The following ILRUN variants were observed in gnomAD, a reference collection of about 807,000 sequenced individuals.
ILRUN encodes the protein protein ILRUN.
Under a neutral mutation model 33.8 loss-of-function variants are expected in ILRUN, and 3 were observed. That is an observed-to-expected ratio of 0.09 (90% CI 0.04 to 0.23). ILRUN has a LOEUF of 0.23. Among genes scored for constraint, ILRUN ranks in the 10% least tolerant of loss-of-function variants. The probability of loss-of-function intolerance (pLI) is 1.00; values close to 1 mark genes in which losing one functional copy is unlikely to be tolerated. For synonymous variants in ILRUN, 124 were observed against 138.9 expected, an observed-to-expected ratio of 0.89 and a Z score of 0.75; for missense variants, 210 against 375.1, an observed-to-expected ratio of 0.56 and a Z score of 3.64.
chr6:34,647,530 A>G (rs1283075531), intron 2 of ILRUN, among the ~76,000 whole-genome samples: 1 of 152,050 alleles, frequency 6.6e-6, no homozygotes, highest in Non-Finnish European at 1.5e-5. Context: ...GGTCAATCAG[A>G]CCTGTCAAAG....
chr6:34,681,806 G>A (rs1763362239), intron 1 of ILRUN, among the ~76,000 whole-genome samples: 1 of 149,776 alleles, frequency 6.7e-6, no homozygotes, highest in African/African-American at 2.5e-5. Context: ...AATCAGAAGG[G>A]ATTTTACTAT....
intron 1 of ILRUN, among the ~76,000 whole-genome samples, chr6:34,687,805 A>G (rs1763556571): frequency 6.6e-6 from 1 of 151,548 alleles, no homozygotes; most frequent in South Asian, 2.1e-4. Context: ...GATGTGGAGA[A>G]ATTGCGACCA....
At chr6:34,669,958 C>A (rs1381530174) in intron 1 of ILRUN, among the ~76,000 whole-genome samples, 2 of 151,522 alleles carry the variant, frequency 1.3e-5, no homozygotes, top group African/African-American at 2.4e-5. Context: ...GTTGCCCAGG[C>A]TGGAATGTAA....
At chr6:34,619,106 G>A (rs1761958363) in intron 3 of ILRUN, among the ~76,000 whole-genome samples, 2 of 152,026 alleles carry the variant, frequency 1.3e-5, no homozygotes, top group Non-Finnish European at 2.9e-5. Context: ...CAGCTACATA[G>A]AATTTGTGAG....
intron 3 of ILRUN, among the ~76,000 whole-genome samples, chr6:34,619,401 G>A (rs1003806252): frequency 3.3e-5 from 5 of 151,932 alleles, no homozygotes; most frequent in African/African-American, 1.2e-4. Context: ...ACTCAGGCTG[G>A]ATGAAGTGCA....
intron 1 of ILRUN, among the ~76,000 whole-genome samples, chr6:34,659,505 C>A (rs1485224456): frequency 2.0e-5 from 3 of 151,294 alleles, no homozygotes; most frequent in African/African-American, 2.4e-5. Context: ...ATTATGAATT[C>A]TATAAATGAA....
chr6:34,602,049 A>G (rs1034915595), intron 4 of ILRUN, among the ~76,000 whole-genome samples: 2 of 152,216 alleles, frequency 1.3e-5, no homozygotes, highest in Non-Finnish European at 2.9e-5. Context: ...GATGGAAGTA[A>G]TAACAGTGGC....
At chr6:34,639,853 T>C (rs1762434475) in intron 3 of ILRUN, among the ~76,000 whole-genome samples, 2 of 152,224 alleles carry the variant, frequency 1.3e-5, no homozygotes, top group Non-Finnish European at 2.9e-5. Context: ...TAAGCCTCTC[T>C]GGTCTTTAGT....
chr6:34,635,259 G>A (rs766534635), intron 3 of ILRUN, among the ~76,000 whole-genome samples: 1 of 152,132 alleles, frequency 6.6e-6, no homozygotes, highest in Non-Finnish European at 1.5e-5. Context: ...GCTGGGCACA[G>A]TGGCTCACGT....
intron 4 of ILRUN, among the ~76,000 whole-genome samples, chr6:34,599,745 G>C (rs1761470253): frequency 6.6e-6 from 1 of 152,020 alleles, no homozygotes; most frequent in African/African-American, 2.4e-5. Context: ...ACTTGGATAT[G>C]CAACAGCCCA....
intron 3 of ILRUN, 110 bp from the exon 4 acceptor site, chr6:34,607,014 C>G: frequency 1.3e-6 from 1 of 798,896 alleles, no homozygotes; most frequent in Non-Finnish European, 2.0e-6. Flanking sequence ...AAACATTCTT[C>G]TATATGCTAG....
rs139872761 is a variant in ILRUN at position 34,679,981 on chromosome 6, T to C, written c.158+16465A>G. 2.7e-3 allele frequency among the ~76,000 whole-genome samples: 410 copies of C among 152,340 alleles called. 1 individual carries two copies. The highest frequency in any genetic ancestry group is 9.2e-3 in the African/African-American group (383 of 41,596). ...TCATGGACCTGCTAACACCCTCAAA[T>C]TGGAACTTCTAGTTTCTCAAACTAT... is the stretch of plus-strand genomic sequence containing the variant. On this transcript the variant is annotated intron_variant, in intron 1 of 4. Coordinates refer to ENST00000374023, the MANE Select transcript of ILRUN (RefSeq NM_024294.4).
chr6:34,683,658 T>C (rs1164438248), intron 1 of ILRUN, among the ~76,000 whole-genome samples: 1 of 151,678 alleles, frequency 6.6e-6, no homozygotes, highest in Non-Finnish European at 1.5e-5. Context: ...TCATCTTTAG[T>C]ACAGGGGTTA....
At chr6:34,663,019 G>A (rs548118804) in intron 1 of ILRUN, among the ~76,000 whole-genome samples, 6 of 152,116 alleles carry the variant, frequency 3.9e-5, no homozygotes, top group East Asian at 1.9e-4. Context: ...CCTTGAGCCC[G>A]GGAGTTCAAG....
At chr6:34,631,828 G>A (rs1762252599) in intron 3 of ILRUN, among the ~76,000 whole-genome samples, 1 of 151,988 alleles carries the variant, frequency 6.6e-6, no homozygotes, top group Admixed American at 6.6e-5. Flanking sequence ...GATAATGGTT[G>A]CACAACACCA....
chr6:34,696,421 C>A (rs747543260), intron 1 of ILRUN, 25 bp downstream of exon 1: 1 of 1,554,208 alleles, frequency 6.4e-7, no homozygotes, highest in South Asian at 1.2e-5. Flanking sequence ...CCGCTGCCAG[C>A]GCTGGCACTG....
At chr6:34,598,312 C>T (rs754709902) in intron 4 of ILRUN, among the ~76,000 whole-genome samples, 1 of 152,194 alleles carries the variant, frequency 6.6e-6, no homozygotes, top group Non-Finnish European at 1.5e-5. Context: ...TCCTGAGATA[C>T]AACAGTTCTT....
chr6:34,686,293 G>A (rs1438365394), intron 1 of ILRUN, among the ~76,000 whole-genome samples: 1 of 152,048 alleles, frequency 6.6e-6, no homozygotes, highest in African/African-American at 2.4e-5. Flanking sequence ...GAGGTCAGGA[G>A]ATCGAGACCA....
At chr6:34,662,074 G>A (rs1488646830) in intron 1 of ILRUN, among the ~76,000 whole-genome samples, 3 of 134,324 alleles carry the variant, frequency 2.2e-5, no homozygotes, top group South Asian at 4.9e-4. Flanking sequence ...GCAGTGAGCC[G>A]AGATCGTGCC....
Sources: gnomAD v4.1 joint callset for allele counts (sites outside exome capture counted in the v4.1 genomes callset) on GRCh38, gnomAD v4.1.1 for gene constraint, MANE v1.5 for transcripts, NCBI Gene and HGNC (gene_info 2026-07-23, HGNC 2026-07-21) for gene names.